FAT4: variants seen among roughly 807,000 people sequenced by gnomAD.
FAT4 encodes the protein protocadherin Fat 4.
Under a neutral mutation model 303.9 loss-of-function variants are expected in FAT4, and 84 were observed. The ratio of observed to expected loss-of-function variants is 0.28; its 90% CI spans 0.23 to 0.33. The LOEUF is 0.33. FAT4 is among the 10% of genes least tolerant of loss of function. The pLI is 1.00. For synonymous variants in FAT4, 2,307 were observed against 2,298.8 expected, an observed-to-expected ratio of 1.00 and a Z score of -0.10; for missense variants, 6,005 against 6,146.8, an observed-to-expected ratio of 0.98 and a Z score of 0.77.
rs372007282 is a variant in FAT4, at chr4:125,317,707, T to C, written c.1296T>C (p.Pro432=). The change falls in exon 2 of 18, where the codon CCT becomes CCC. Residue 432 remains proline, a synonymous_variant. Transcript: ENST00000394329. This position sits in a 1 kb window ranked among gnomAD's most constrained non-coding sequence, Gnocchi z 7.0. ...VASALDRERI[P]SYNLTVSVSD... Reference sequence around the variant, plus strand: ...GCGCCTTGGACCGCGAGCGCATCCCTTCCTACAACCTCACAGTTTCCGTCT... The same window carrying C: ...GCGCCTTGGACCGCGAGCGCATCCCCTCCTACAACCTCACAGTTTCCGTCT... 269 of 1,614,086 alleles carry C rather than the reference T, an allele frequency of 1.7e-4. 1 individual carries two copies. Among genetic ancestry groups the C allele is most frequent in the Middle Eastern group, 1.3e-3 (8 of 6,062 alleles).
At chr4:125,453,523 A>T (rs913937098) in intron 10 of FAT4, among the ~76,000 whole-genome samples, 1 of 152,094 alleles carries the variant, frequency 6.6e-6, no homozygotes, top group African/African-American at 2.4e-5. Context: ...CCTGGCCAAC[A>T]TGTGAAAACC....
At chr4:125,419,327 T>A (rs1250903224) in intron 7 of FAT4, among the ~76,000 whole-genome samples, 1 of 152,164 alleles carries the variant, frequency 6.6e-6, no homozygotes, top group East Asian at 1.9e-4. Context: ...AAGGCAAACC[T>A]TGTTATTATT....
At chr4:125,363,507 A>T (rs369826580) in intron 2 of FAT4, among the ~76,000 whole-genome samples, 5 of 150,918 alleles carry the variant, frequency 3.3e-5, no homozygotes, top group Admixed American at 1.3e-4. Flanking sequence ...TTATATATAT[A>T]TTTTTTTGAG....
intron 12 of FAT4, among the ~76,000 whole-genome samples, chr4:125,475,786 T>TA (rs1727007009): frequency 1.3e-5 from 2 of 152,144 alleles, no homozygotes; most frequent in South Asian, 4.1e-4. Context: ...TGTCTTTTGT[T>TA]AACATAGCTT....
rs577194933 is a variant in FAT4 at position 125,466,048 on chromosome 4, A to C, written c.11905+2381A>C. On this transcript the variant is annotated intron_variant, in intron 11 of 17. Transcript: ENST00000394329. ...ACTTTATCATTTTGAAGTTAGAAAA[A>C]AGTTTTTTGCACTGTTTAGCTTCTC... Among the ~76,000 whole-genome samples the C allele has an allele frequency of 4.6e-5, 7 of 152,256 alleles. No individual in the cohort carries two copies. In the South Asian group the frequency reaches 1.4e-3, roughly 32 times the overall value.
At chr4:125,414,829 C>A in intron 5 of FAT4, 55 bp from the exon 6 acceptor site, 1 of 1,230,372 alleles carries the variant, frequency 8.1e-7, no homozygotes. Flanking sequence ...TTTGGTATAG[C>A]TTGTTCTGCA....
At chr4:125,360,708 C>T (rs1732618880) in intron 2 of FAT4, among the ~76,000 whole-genome samples, 1 of 151,916 alleles carries the variant, frequency 6.6e-6, no homozygotes, top group Admixed American at 6.6e-5. Context: ...GTAGTCATCC[C>T]CCTGACTATA....
At chr4:125,456,088 T>C (rs1290711152) in intron 10 of FAT4, among the ~76,000 whole-genome samples, 2 of 152,168 alleles carry the variant, frequency 1.3e-5, no homozygotes, top group African/African-American at 2.4e-5. Flanking sequence ...TCTTTTTTGC[T>C]GGCAGAATAT....
Position 125,317,370 on chromosome 4 carries a change from C to T in FAT4, c.959C>T (p.Ser320Leu). ...PLDFEARRQY[S>L]LTVQAMDRGV... ...GACTTCGAAGCTCGGCGCCAATACT[C>T]GCTTACGGTGCAGGCGATGGACAGA... is the stretch of plus-strand genomic sequence containing the variant. Residue 320 changes from serine to leucine, a missense_variant, in exon 2 of 18, where the codon TCG becomes TTG. Coordinates refer to ENST00000394329, the MANE Select transcript of FAT4 (RefSeq NM_001291303.3). The surrounding 1 kb of genome is among the most constrained non-coding windows in gnomAD (Gnocchi z 7.0). 1 of 1,613,426 alleles carries T rather than the reference C, an allele frequency of 6.2e-7. No homozygotes were observed. The highest frequency in any genetic ancestry group is 1.1e-5 in the South Asian group (1 of 91,086).
intron 2 of FAT4, among the ~76,000 whole-genome samples, chr4:125,376,116 T>C (rs1733303521): frequency 1.3e-5 from 2 of 152,234 alleles, no homozygotes; most frequent in African/African-American, 4.8e-5. Context: ...TTGTTTTGAG[T>C]GTGCATTTAA....
At position 125,377,763 on chromosome 4, in the gene FAT4, C is replaced by G. The variant is rs181812245; in HGVS notation, c.5176-21021C>G. On this transcript the variant is annotated intron_variant, in intron 2 of 17. Transcript: ENST00000394329. ...ATTCAAAAACCTTGGCAAACTCTCA[C>G]AAACCAAAACAAAATTAGGACATTT... Among the ~76,000 whole-genome samples the G allele has an allele frequency of 7.4e-4, 112 of 152,088 alleles. 2 individuals are homozygous for G. Among genetic ancestry groups the G allele is most frequent in the Non-Finnish European group, 1.0e-4 (7 of 67,934 alleles).
intron 10 of FAT4, among the ~76,000 whole-genome samples, chr4:125,455,890 C>G (rs187397556): frequency 6.6e-6 from 1 of 152,172 alleles, no homozygotes; most frequent in South Asian, 2.1e-4. Context: ...TACAAGGAAA[C>G]AGCTTACAAA....
intron 12 of FAT4, among the ~76,000 whole-genome samples, chr4:125,470,596 T>C (rs967976572): frequency 1.3e-4 from 20 of 152,324 alleles, no homozygotes; most frequent in Admixed American, 4.6e-4. Context: ...ACTTCTTTCC[T>C]TAAACCTCAT....
chr4:125,469,421 T>A (rs1726785036), intron 12 of FAT4, among the ~76,000 whole-genome samples: 1 of 152,196 alleles, frequency 6.6e-6, no homozygotes, highest in African/African-American at 2.4e-5. Context: ...GATTTCTCTG[T>A]AGCATTTGAG....
intron 2 of FAT4, among the ~76,000 whole-genome samples, chr4:125,363,223 C>T (rs1409348366): frequency 2.6e-5 from 4 of 151,872 alleles, no homozygotes; most frequent in Non-Finnish European, 5.9e-5. Flanking sequence ...TAGTCATGTT[C>T]TCACCTGTAA....
At position 125,316,989 on chromosome 4, in the gene FAT4, C is replaced by T. The variant is rs1352317490; in HGVS notation, c.578C>T (p.Pro193Leu). The T allele has an allele frequency of 4.3e-6, 7 of 1,613,894 alleles. No individual in the cohort carries two copies. In the East Asian group the frequency reaches 1.6e-4, roughly 36 times the overall value. The change falls in exon 2 of 18, where the codon CCG becomes CTG. Residue 193 changes from proline (P) to leucine (L), a missense_variant. Pro to Leu is a moderately conservative substitution (Grantham distance 98, BLOSUM62 -3). Coordinates refer to ENST00000394329, the MANE Select transcript of FAT4 (RefSeq NM_001291303.3). The surrounding 1 kb of genome is among the most constrained non-coding windows in gnomAD (Gnocchi z 5.7). ...GRFRLDITLN[P>L]SGEGAFLHLV... ...TTCCGTCTGGACATCACCCTGAACCCGAGCGGCGAGGGAGCGTTCCTGCAT... is the reference window on the plus strand; with the variant it reads ...TTCCGTCTGGACATCACCCTGAACCTGAGCGGCGAGGGAGCGTTCCTGCAT...
chr4:125,349,705 C>A (rs1732147904), intron 2 of FAT4, among the ~76,000 whole-genome samples: 1 of 151,738 alleles, frequency 6.6e-6, no homozygotes, highest in East Asian at 1.9e-4. Flanking sequence ...ATAATGAATT[C>A]ATTTCAAATA....
At chr4:125,372,208 G>A (rs1325470249) in intron 2 of FAT4, among the ~76,000 whole-genome samples, 1 of 151,790 alleles carries the variant, frequency 6.6e-6, no homozygotes, top group Non-Finnish European at 1.5e-5. Context: ...AAGAAAAAAG[G>A]AAAATTATCC....
At chr4:125,345,188 G>T (rs1292222398) in intron 2 of FAT4, among the ~76,000 whole-genome samples, 1 of 152,078 alleles carries the variant, frequency 6.6e-6, no homozygotes, top group African/African-American at 2.4e-5. Context: ...ATATCCAGGT[G>T]CTTCCTGGAG....
Sources: allele counts gnomAD v4.1 joint callset (sites outside exome capture counted in the v4.1 genomes callset), GRCh38; gene constraint gnomAD v4.1.1; non-coding constraint Gnocchi (gnomAD v3.1); transcripts MANE v1.5; gene names NCBI Gene and HGNC (gene_info 2026-07-23, HGNC 2026-07-21).